FASN: variants seen among roughly 807,000 people sequenced by gnomAD.
FASN encodes the protein fatty acid synthase, also known as 3-hydroxyacyl-[acyl-carrier-protein] dehydratase.
Under a neutral mutation model 250.0 loss-of-function variants are expected in FASN, and 50 were observed. The ratio of observed to expected loss-of-function variants is 0.20; its 90% CI spans 0.16 to 0.25. The LOEUF is 0.25. Among genes scored for constraint, FASN ranks in the 10% least tolerant of loss-of-function variants. The pLI is 1.00. For synonymous variants in FASN, 1,909 were observed against 1,584.0 expected, an observed-to-expected ratio of 1.21 and a Z score of -4.87; for missense variants, 3,031 against 3,498.5, an observed-to-expected ratio of 0.87 and a Z score of 3.37.
chr17:82,090,910 T>C lies in FASN; in HGVS notation c.1652A>G (p.His551Arg). Reference protein sequence around the residue: ...TDESTFDDIVHSFVSLTAIQI... With the variant: ...TDESTFDDIVRSFVSLTAIQI... ...GATGGCAGTCAGGCTCACAAACGAA[T>C]GGACGATGTCATCAAAGGTGCTCTC... The change falls in exon 10 of 43, where the codon CAT becomes CGT. Residue 551 changes from histidine (H) to arginine (R), a missense_variant. Transcript: ENST00000306749. 1 of 1,605,538 alleles carries C rather than the reference T, an allele frequency of 6.2e-7. No homozygotes were observed. The highest frequency in any genetic ancestry group is 8.5e-7 in the Non-Finnish European group (1 of 1,176,712).
In FASN at chr17:82,081,215, G is replaced by A. The variant is rs764730235; in HGVS notation, c.6544C>T (p.Leu2182Phe). Residue 2182 changes from leucine (L) to phenylalanine (F), a missense_variant, in exon 38 of 43, where the codon CTC becomes TTC. Coordinates refer to ENST00000306749, the MANE Select transcript of FASN (RefSeq NM_004104.5). The part of the protein sequence containing the change: ...LVLSVREVRQ[L>F]TLRKLQELSS... ...AGCTCCTGCAGTTTCCGGAGCGTGA[G>A]TTGCCGCACCTCGCGCACGGACAGC... The A allele has an allele frequency of 6.3e-7, 1 of 1,593,982 alleles. No individual in the cohort carries two copies. Among genetic ancestry groups the A allele is most frequent in the Non-Finnish European group, 8.5e-7 (1 of 1,171,304 alleles).
chr17:82,086,341 G>A lies in FASN; in HGVS notation c.3645C>T (p.Leu1215=), dbSNP rs143299307. 5 of 1,607,240 alleles carry A rather than the reference G, an allele frequency of 3.1e-6. No individual in the cohort carries two copies. In the African/African-American group the frequency reaches 6.7e-5, roughly 21 times the overall value. The change falls in exon 22 of 43, where the codon CTC becomes CTT. Residue 1215 remains leucine (L), a synonymous_variant. Transcript: ENST00000306749. The part of the protein sequence containing the change: ...ERPKLPEDPL[L]SGLLDSPALK... The stretch of plus-strand genomic sequence containing the variant: ...GTGCCGGGGAGTCCAGGAGGCCGCT[G>A]AGCAGAGGGTCCTCTGGCAGCTTGG...
At position 82,083,576 on chromosome 17, in the gene FASN, G is replaced by A; in HGVS notation, c.5282C>T (p.Ala1761Val). Reference protein sequence around the residue: ...EKLQASVRCLATHGRFLEIGK... With the variant: ...EKLQASVRCLVTHGRFLEIGK... The stretch of plus-strand genomic sequence containing the variant: ...AATTTCCAGGAAGCGACCGTGCGTA[G>A]CCAAGCACCTCACGCTGGCCTGCAG... Residue 1761 changes from alanine (A) to valine (V), a missense_variant, in exon 31 of 43, where the codon GCT (alanine) becomes GTT (valine). Physicochemically the swap from Ala to Val is moderately conservative, Grantham distance 64. Transcript: ENST00000306749. The A allele has an allele frequency of 6.2e-7, 1 of 1,612,758 alleles. No individual in the cohort carries two copies. Among genetic ancestry groups the A allele is most frequent in the Non-Finnish European group, 8.5e-7 (1 of 1,179,970 alleles).
rs776209432 is a variant in FASN, at chr17:82,086,438, G to A, written c.3548C>T (p.Ser1183Leu). ...GTTGAGCTGAAGCCTGCAGGCAGCCGACAACAGCCGGGGCAGTTCCTGCTG... is the reference window on the plus strand; with the variant it reads ...GTTGAGCTGAAGCCTGCAGGCAGCCAACAACAGCCGGGGCAGTTCCTGCTG... ...PSQQELPRLL[S>L]AACRLQLNGN... The change falls in exon 22 of 43, where the codon TCG (serine) becomes TTG (leucine). Residue 1183 changes from serine (S) to leucine (L), a missense_variant. Transcript: ENST00000306749. 8 of 1,611,976 alleles carry A rather than the reference G, an allele frequency of 5.0e-6. No homozygotes were observed. Among genetic ancestry groups the A allele is most frequent in the East Asian group, 4.5e-5 (2 of 44,886 alleles).
intron 23 of FASN, 30 bp downstream of exon 23, chr17:82,085,441 TCACCCGGCCCC>T (rs1168280468): frequency 6.3e-7 from 1 of 1,596,898 alleles, no homozygotes; most frequent in Non-Finnish European, 8.5e-7. Context: ...CGCCTGGCCC[TCACCCGGCCCC>T]CACCCTGTCC....
chr17:82,085,276 C>A lies in FASN; in HGVS notation c.4249G>T (p.Val1417Leu). Residue 1417 changes from valine to leucine, a missense_variant, in exon 24 of 43, where the codon GTG (valine) becomes TTG (leucine). Val to Leu is a conservative substitution (Grantham distance 32, BLOSUM62 1). Transcript: ENST00000306749. ...TPQDSPIFLP[V>L]DDTSFRWVES... ...ACCCAGCGGAAGCTGGTATCGTCCACCGGCAGGAAGATGGGGCTGTCCTGC... is the reference window on the plus strand; with the variant it reads ...ACCCAGCGGAAGCTGGTATCGTCCAACGGCAGGAAGATGGGGCTGTCCTGC... 1 of 1,611,612 alleles carries A rather than the reference C, an allele frequency of 6.2e-7. No individual in the cohort carries two copies. Among genetic ancestry groups the A allele is most frequent in the Non-Finnish European group, 8.5e-7 (1 of 1,179,486 alleles).
rs754468225 is a variant in FASN, at chr17:82,085,785, G to C, written c.3819C>G (p.Thr1273=). 1.3e-6 allele frequency: 2 copies of C among 1,563,190 alleles called. No homozygotes were observed. The highest frequency in any genetic ancestry group is 1.7e-6 in the Non-Finnish European group (2 of 1,155,004). Residue 1273 remains threonine, a synonymous_variant, in exon 23 of 43, where the codon ACC becomes ACG. Transcript: ENST00000306749. ...HPLLQLSYTA[T]DRHPQALEAA... The stretch of plus-strand genomic sequence containing the variant: ...CCTCCAGGGCCTGGGGGTGGCGGTC[G>C]GTGGCCGTGTAGCTCAGCTGCAGCA...
At chr17:82,092,082 G>A (rs982643168) in intron 8 of FASN, among the ~76,000 whole-genome samples, 1 of 152,192 alleles carries the variant, frequency 6.6e-6, no homozygotes, top group African/African-American at 2.4e-5. Context: ...CCAGGCCTCT[G>A]CTAGTGGGTC....
In FASN at chr17:82,088,261, G is replaced by T; in HGVS notation, c.2640C>A (p.Leu880=). ...SPDHYLVDHT[L]DGRVLFPATG... ...TGGCGGGGAAGAGGACGCGACCGTC[G>T]AGGGTGTGGTCCACCAGGTAGTGGT... Residue 880 remains leucine, a synonymous_variant, in exon 17 of 43, where the codon CTC becomes CTA. Coordinates refer to ENST00000306749, the MANE Select transcript of FASN (RefSeq NM_004104.5). The T allele has an allele frequency of 6.2e-7, 1 of 1,606,496 alleles. No individual in the cohort carries two copies. The highest frequency in any genetic ancestry group is 8.5e-7 in the Non-Finnish European group (1 of 1,179,934).
rs758785292 is a variant in FASN at position 82,092,811 on chromosome 17, G to A, written c.780C>T (p.Gly260=). Residue 260 remains glycine (G), a splice_region_variant and synonymous_variant, in exon 7 of 43, where the codon GGC becomes GGT. Coordinates refer to ENST00000306749, the MANE Select transcript of FASN (RefSeq NM_004104.5). The stretch of plus-strand genomic sequence containing the variant: ...GGATATCCCCTGAGGGGAAGGTCAC[G>A]CCTGCGGAGGGCTCGGCTCAGTGCT... ...GTNTDGFKEQ[G]VTFPSGDIQE... is the part of the protein sequence containing the mutation. The A allele has an allele frequency of 6.5e-5, 103 of 1,594,746 alleles. 1 individual carries two copies. In the South Asian group the frequency reaches 7.0e-4, roughly 11 times the overall value.
chr17:82,096,240 C>A, intron 2 of FASN, 79 bp downstream of exon 2: 1 of 1,597,538 alleles, frequency 6.3e-7, no homozygotes, highest in Non-Finnish European at 8.5e-7. Context: ...GGACACAGCA[C>A]AGCAGGGAGG....
In FASN at chr17:82,085,667, G is replaced by C. The variant is rs759747902; in HGVS notation, c.3937C>G (p.Leu1313Val). 6.3e-7 allele frequency: 1 copy of C among 1,584,166 alleles called. No homozygotes were observed. Among genetic ancestry groups the C allele is most frequent in the African/African-American group, 1.3e-5 (1 of 74,168 alleles). ...GCAGCCACAGCACAGTTGCACACCA[G>C]GAGGTCGGCGCTGCCCAGGGCGCTG... Reference protein sequence around the residue: ...APSALGSADLLVCNCAVAALG... With the variant: ...APSALGSADLVVCNCAVAALG... The change falls in exon 23 of 43, where the codon CTG becomes GTG. Residue 1313 changes from leucine (L) to valine (V), a missense_variant. Coordinates refer to ENST00000306749, the MANE Select transcript of FASN (RefSeq NM_004104.5).
intron 1 of FASN, 49 bp from the exon 2 acceptor site, chr17:82,096,501 C>A: frequency 6.2e-7 from 1 of 1,602,844 alleles, no homozygotes; most frequent in Non-Finnish European, 8.5e-7. Context: ...CCACGACACC[C>A]CCGTCAACAG....
In FASN at chr17:82,085,293, C is replaced by T; in HGVS notation, c.4232G>A (p.Ser1411Asn). 1 of 1,611,342 alleles carries T rather than the reference C, an allele frequency of 6.2e-7. No homozygotes were observed. Among genetic ancestry groups the T allele is most frequent in the South Asian group, 1.1e-5 (1 of 91,004 alleles). The change falls in exon 24 of 43, where the codon AGC becomes AAC. Residue 1411 changes from serine to asparagine, a missense_variant. Physicochemically the swap from Ser to Asn is conservative, Grantham distance 46 (BLOSUM62 1). Coordinates refer to ENST00000306749, the MANE Select transcript of FASN (RefSeq NM_004104.5). ...ATCGTCCACCGGCAGGAAGATGGGGCTGTCCTGCGGGGTGGGCCGGCGGCA... is the reference window on the plus strand; with the variant it reads ...ATCGTCCACCGGCAGGAAGATGGGGTTGTCCTGCGGGGTGGGCCGGCGGCA... ...FLCRRPTPQD[S>N]PIFLPVDDTS...
chr17:82,094,566 G>GCA (rs2034271690), intron 3 of FASN, among the ~76,000 whole-genome samples: 1 of 152,008 alleles, frequency 6.6e-6, no homozygotes, highest in Non-Finnish European at 1.5e-5. Flanking sequence ...TGAGATGGAT[G>GCA]GATCACGAGG....
At position 82,098,147 on chromosome 17, in the gene FASN, G is replaced by GGCGGCGGAGAGCGAGGCTGGAGC. The variant is rs1166290247; in HGVS notation, c.-57_-35dup. On this transcript the variant is annotated 5_prime_UTR_variant, in exon 1 of 43. Transcript: ENST00000306749. ...TGGTGAGGGCGCGGGCGGCGGTGCG[G>GGCGGCGGAGAGCGAGGCTGGAGC]GCGGCGGAGAGCGAGGCTGGAGCGC... The GGCGGCGGAGAGCGAGGCTGGAGC allele has an allele frequency of 2.8e-6, 1 of 354,134 alleles. No individual in the cohort carries two copies. The highest frequency in any genetic ancestry group is 2.1e-5 in the African/African-American group (1 of 46,720). 21.9% of individuals were successfully genotyped at this position (354,134 alleles called of 1,614,324 possible).
Position 82,086,353 on chromosome 17 carries a change from C to A in FASN, c.3633G>T (p.Glu1211Asp), listed in dbSNP as rs759994870. Residue 1211 changes from glutamate (E) to aspartate (D), a missense_variant, in exon 22 of 43, where the codon GAG becomes GAT. By Grantham distance (45) the Glu-to-Asp change is conservative. Coordinates refer to ENST00000306749, the MANE Select transcript of FASN (RefSeq NM_004104.5). The part of the protein sequence containing the change: ...VLAQERPKLP[E>D]DPLLSGLLDS... ...CCAGGAGGCCGCTGAGCAGAGGGTC[C>A]TCTGGCAGCTTGGGCCTCTCCTGGG... The A allele has an allele frequency of 1.6e-5, 25 of 1,608,300 alleles. No homozygotes were observed. The highest frequency in any genetic ancestry group is 1.9e-5 in the Non-Finnish European group (23 of 1,179,638).
chr17:82,087,681 C>G lies in FASN; in HGVS notation c.3043+4G>C. ...GCTTGGGCAGCAGTGTAGTCAGTAC[C>G]CACCTTCCAGGCTGGCCTCCAGGAT... On this transcript the variant is annotated splice_donor_region_variant and intron_variant, in intron 19 of 42. Coordinates refer to ENST00000306749, the MANE Select transcript of FASN (RefSeq NM_004104.5). 6.2e-7 allele frequency: 1 copy of G among 1,611,040 alleles called. No individual in the cohort carries two copies. The highest frequency in any genetic ancestry group is 8.5e-7 in the Non-Finnish European group (1 of 1,179,978).
At chr17:82,087,542 G>A in intron 19 of FASN, 38 bp from the exon 20 acceptor site, 1 of 1,609,220 alleles carries the variant, frequency 6.2e-7, no homozygotes, top group Non-Finnish European at 8.5e-7. Context: ...GGAACTCCCA[G>A]GTCCCTGGGG....
Sources: allele counts gnomAD v4.1 joint callset (sites outside exome capture counted in the v4.1 genomes callset), GRCh38; gene constraint gnomAD v4.1.1; transcripts MANE v1.5; gene names NCBI Gene and HGNC (gene_info 2026-07-23, HGNC 2026-07-21).